KANSL1: variants seen among roughly 807,000 people sequenced by gnomAD.
KANSL1 encodes the protein KAT8 regulatory NSL complex subunit 1.
A neutral mutation model predicts 103.6 loss-of-function variants in KANSL1; 22 were observed. The observed-to-expected ratio is 0.21, with a 90% confidence interval of 0.15 to 0.30. The LOEUF (loss-of-function observed/expected upper bound fraction) is 0.30. Among genes scored for constraint, KANSL1 ranks in the 10% least tolerant of loss-of-function variants. The pLI is 1.00. For synonymous variants in KANSL1, 600 were observed against 527.6 expected (o/e 1.14, Z -1.88); for missense variants, 1,337 against 1,399.8 (o/e 0.96, Z 0.72).
intron 2 of KANSL1, chr17:46,169,487 T>C (rs559575193): frequency 1.2e-4 from 19 of 152,372 alleles, no homozygotes; most frequent in Admixed American, 1.2e-3. Context: ...TTAAAAATCA[T>C]AGCTGTCTCA....
intron 2 of KANSL1, chr17:46,156,974 G>A (rs1567743189): frequency 6.6e-6 from 1 of 151,906 alleles, no homozygotes; most frequent in Non-Finnish European, 1.5e-5. Context: ...CTTCTTAAGT[G>A]TTTTCATCAT....
At chr17:46,033,755 G>GT (rs2077074560) in intron 11 of KANSL1, among the ~76,000 whole-genome samples, 1 of 152,194 alleles carries the variant, frequency 6.6e-6, no homozygotes, top group African/African-American at 2.4e-5. Flanking sequence ...GACCACCACT[G>GT]TTCAGGACCA....
At chr17:46,162,056 G>A (rs868401532) in intron 2 of KANSL1, among the ~76,000 whole-genome samples, 1 of 152,330 alleles carries the variant, frequency 6.6e-6, no homozygotes, top group South Asian at 2.1e-4. Context: ...CTTAACTAAT[G>A]AGAATCAAAA....
chr17:46,107,528 T>C (rs2042619883), intron 2 of KANSL1, among the ~76,000 whole-genome samples: 1 of 152,236 alleles, frequency 6.6e-6, no homozygotes, highest in South Asian at 2.1e-4. Flanking sequence ...TTTTCTATTG[T>C]CTTTTTGAAT....
chr17:46,038,184 T>G, intron 10 of KANSL1: 1 of 224,204 alleles, frequency 4.5e-6, no homozygotes, highest in Non-Finnish European at 8.7e-6. Flanking sequence ...GTTCACTTCT[T>G]GGGCCAACAG....
intron 1 of KANSL1, among the ~76,000 whole-genome samples, chr17:46,191,408 A>G (rs889912071): frequency 5.3e-5 from 8 of 152,246 alleles, no homozygotes; most frequent in African/African-American, 1.9e-4. Flanking sequence ...AGTAGAGCCT[A>G]TAGGAAAGGG....
At position 46,208,506 on chromosome 17, in the gene KANSL1, G is replaced by A. The variant is rs138141145; in HGVS notation, c.-90+15165C>T. ...TGCACACCTGTAGTCCCAGCTACCC[G>A]GGAAGCTGAGATGGGAGGATTGCTT... On this transcript the variant is annotated intron_variant, in intron 1 of 14. Coordinates refer to the KANSL1 transcript ENST00000572904. Among the ~76,000 whole-genome samples, 273 of 151,934 alleles carry A rather than the reference G, an allele frequency of 1.8e-3. 1 individual carries two copies. The highest frequency in any genetic ancestry group is 2.5e-3 in the Non-Finnish European group (173 of 67,966).
At chr17:46,224,785 ACCCCAGTC>A (rs2048633666), upstream of KANSL1, 1 of 148,376 alleles carries the variant, frequency 6.7e-6, no homozygotes, top group African/African-American at 2.5e-5. Context: ...CCCACCGCGG[ACCCCAGTC>A]CCAAACCCAC....
intron 3 of KANSL1, among the ~76,000 whole-genome samples, chr17:46,091,626 G>A (rs2079392053): frequency 6.6e-6 from 1 of 151,948 alleles, no homozygotes; most frequent in Non-Finnish European, 1.5e-5. Flanking sequence ...CATTTTTACT[G>A]TATTTTTTCT....
Position 46,171,067 on chromosome 17 carries a change from A to G in KANSL1, c.1077T>C (p.Ser359=). ...TAAGTCCCTCTGAAGTGGTGGTCTC[A>G]CTGGCAGCTTTTCTCAAGGCAGCTT... ...KAEAALRKAA[S]ETTTSEGLSN... is the part of the protein sequence containing the mutation. The change falls in exon 2 of 15, where the codon AGT becomes AGC. Residue 359 remains serine, a synonymous_variant. Transcript: ENST00000432791. The G allele has an allele frequency of 6.2e-7, 1 of 1,614,190 alleles. No homozygotes were observed. Among genetic ancestry groups the G allele is most frequent in the Non-Finnish European group, 8.5e-7 (1 of 1,180,028 alleles).
chr17:46,204,392 G>C (rs1348702613), intron 1 of KANSL1, among the ~76,000 whole-genome samples: 1 of 152,186 alleles, frequency 6.6e-6, no homozygotes, highest in Non-Finnish European at 1.5e-5. Context: ...TTGAACCTGG[G>C]AAGTGGAGGT....
intron 6 of KANSL1, among the ~76,000 whole-genome samples, chr17:46,059,560 T>A (rs2078071622): frequency 6.8e-6 from 1 of 148,018 alleles, no homozygotes; most frequent in Admixed American, 6.9e-5. Flanking sequence ...GAGGCAGACG[T>A]TGCAGTGAGC....
intron 2 of KANSL1, among the ~76,000 whole-genome samples, chr17:46,118,707 T>C (rs979748555): frequency 2.0e-5 from 3 of 152,168 alleles, no homozygotes; most frequent in Non-Finnish European, 2.9e-5. Flanking sequence ...AATTACAGGA[T>C]ACTTAAACAA....
intron 3 of KANSL1, among the ~76,000 whole-genome samples, chr17:46,082,987 GA>G (rs1189416818): frequency 6.6e-6 from 1 of 152,094 alleles, no homozygotes; most frequent in Admixed American, 6.5e-5. Context: ...AAAACTGAAT[GA>G]AACAAATGTG....
chr17:46,032,378 C>T, intron 13 of KANSL1, 79 bp from the exon 14 acceptor site: 3 of 1,298,166 alleles, frequency 2.3e-6, no homozygotes, highest in Non-Finnish European at 3.1e-6. Context: ...AAAGCATCCC[C>T]ACTGGAGGAG....
At chr17:46,149,355 AGGAAGGCATG>A (rs2044942957) in intron 2 of KANSL1, among the ~76,000 whole-genome samples, 1 of 152,216 alleles carries the variant, frequency 6.6e-6, no homozygotes, top group African/African-American at 2.4e-5. Context: ...TTCATTTGAC[AGGAAGGCATG>A]GGTTTATACC....
rs889372819 is a variant in KANSL1, at chr17:46,169,436, C to A, written c.1289+1419G>T. The stretch of plus-strand genomic sequence containing the variant: ...TTTCATTTCAGATACAATATCCATG[C>A]AGATAATATAAACAAAATTGGGAAA... On this transcript the variant is annotated intron_variant, in intron 2 of 14. Coordinates refer to ENST00000432791, the MANE Select transcript of KANSL1 (RefSeq NM_015443.4). 49 of 152,194 alleles carry A rather than the reference C, an allele frequency of 3.2e-4. 1 individual carries two copies. The highest frequency in any genetic ancestry group is 3.1e-3 in the Admixed American group (48 of 15,276). 9.4% of individuals were successfully genotyped at this position (152,194 alleles called of 1,614,324 possible). A position where few individuals can be genotyped will look rare whatever the true frequency, so the allele number is the denominator to read the frequency against.
chr17:46,066,786 TAAAC>T, intron 5 of KANSL1, 54 bp from the exon 6 acceptor site: 1 of 1,305,448 alleles, frequency 7.7e-7, no homozygotes. Context: ...ACAAAATAAA[TAAAC>T]AACAAGAAAA....
chr17:46,105,952 C>CACACACACACAA (rs1391201694), intron 2 of KANSL1, among the ~76,000 whole-genome samples: 4 of 123,578 alleles, frequency 3.2e-5, no homozygotes, highest in Non-Finnish European at 7.2e-5. Context: ...CACACACCCC[C>CACACACACACAA]CCAGAAGGGT....
Sources: allele counts gnomAD v4.1 joint callset (sites outside exome capture counted in the v4.1 genomes callset), GRCh38; gene constraint gnomAD v4.1.1; transcripts MANE v1.5; gene names NCBI Gene and HGNC (gene_info 2026-07-23, HGNC 2026-07-21).